CCNG2: variants seen among roughly 807,000 people sequenced by gnomAD.
CCNG2 encodes the protein cyclin-G2.
A neutral mutation model predicts 36.5 loss-of-function variants in CCNG2; 20 were observed. That is an observed-to-expected ratio of 0.55 (90% CI 0.39 to 0.80). The LOEUF (loss-of-function observed/expected upper bound fraction) is 0.80, where lower values mean the gene tolerates loss of function less well. Among genes scored for constraint, CCNG2 ranks in the 30% least tolerant of loss-of-function variants. The pLI is 0.00. For synonymous variants in CCNG2, 155 were observed against 140.1 expected, an observed-to-expected ratio of 1.11 and a Z score of -0.75; for missense variants, 358 against 390.8, an observed-to-expected ratio of 0.92 and a Z score of 0.71.
Position 77,160,849 on chromosome 4 carries a change from T to G in CCNG2, c.405T>G (p.Ala135=), listed in dbSNP as rs1731413711. ...GGATTAGTCAGTGTAAATGTACTGC[T>G]TCTGACATAAAACGGATGGAAAAAA... is the stretch of plus-strand genomic sequence containing the variant. ...VIRISQCKCT[A]SDIKRMEKII... Residue 135 remains alanine (A), a synonymous_variant, in exon 4 of 8, where the codon GCT becomes GCG. Transcript: ENST00000316355. 2 of 1,614,040 alleles carry G rather than the reference T, an allele frequency of 1.2e-6. No individual in the cohort carries two copies. The highest frequency in any genetic ancestry group is 1.3e-5 in the African/African-American group (1 of 75,038).
chr4:77,158,512 T>C (rs1347273701), intron 1 of CCNG2, 21 bp from the exon 2 acceptor site: 1 of 1,613,952 alleles, frequency 6.2e-7, no homozygotes, highest in South Asian at 1.1e-5. Flanking sequence ...TTACATTCTC[T>C]GTGTGGTGTC....
chr4:77,159,254 A>T, intron 2 of CCNG2, 113 bp from the exon 3 acceptor site: 1 of 930,612 alleles, frequency 1.1e-6, no homozygotes. Context: ...AGATTGAGGG[A>T]AAAAAATTAA....
intron 7 of CCNG2, chr4:77,165,037 T>C (rs1731592874): frequency 6.6e-6 from 1 of 152,350 alleles, no homozygotes; most frequent in South Asian, 2.1e-4. Context: ...CCACCACTGA[T>C]GGGGAAGACT....
At position 77,165,929 on chromosome 4, in the gene CCNG2, C is replaced by CT. The variant is rs1731623201; in HGVS notation, c.*6dup. The CT allele has an allele frequency of 1.3e-6, 2 of 1,590,604 alleles. No homozygotes were observed. Among genetic ancestry groups the CT allele is most frequent in the Admixed American group, 1.9e-5 (1 of 53,056 alleles). On this transcript the variant is annotated 3_prime_UTR_variant, in exon 8 of 8. Transcript: ENST00000316355. ...ACACTGTGCTTTCCATCTTAGAAAT[C>CT]TGATTGTTCTGTCAGAATTTATATT... is the stretch of plus-strand genomic sequence containing the variant.
At chr4:77,162,138 A>G (rs1731455307) in intron 6 of CCNG2, among the ~76,000 whole-genome samples, 1 of 152,256 alleles carries the variant, frequency 6.6e-6, no homozygotes, top group African/African-American at 2.4e-5. Context: ...TAGCAGCAGC[A>G]TCAATTAACA....
chr4:77,160,356 AAAC>A (rs1170958155), intron 3 of CCNG2, among the ~76,000 whole-genome samples: 3 of 118,066 alleles, frequency 2.5e-5, no homozygotes, highest in Non-Finnish European at 5.0e-5. Context: ...AAGGTTCAAA[AAAC>A]TTTTTTTTTT....
In CCNG2 at chr4:77,157,309, T is replaced by G. The variant is rs1577901909; in HGVS notation, c.-198T>G. On this transcript the variant is annotated 5_prime_UTR_variant, in exon 1 of 8. Transcript: ENST00000316355. ...GCCGGCGTTGCGCCGCGGCGGAGGG[T>G]GGGCGCGCGGGGAGCGGGATGGAGC... is the stretch of plus-strand genomic sequence containing the variant. The G allele has an allele frequency of 2.0e-5, 3 of 149,560 alleles. No homozygotes were observed. The highest frequency in any genetic ancestry group is 2.1e-4 in the South Asian group (1 of 4,736). The allele number at this position is 149,560 out of a possible 1,614,324, so 9.3% of individuals were successfully genotyped here.
At chr4:77,159,346 G>C (rs200400413) in intron 2 of CCNG2, 21 bp from the exon 3 acceptor site, 10 of 1,593,884 alleles carry the variant, frequency 6.3e-6, no homozygotes, top group South Asian at 1.1e-5. Context: ...TGTAAACCTT[G>C]GTTCTTGGTT....
chr4:77,164,381 C>G lies in CCNG2; in HGVS notation c.813C>G (p.Ile271Met). 1 of 1,613,960 alleles carries G rather than the reference C, an allele frequency of 6.2e-7. No individual in the cohort carries two copies. The highest frequency in any genetic ancestry group is 8.5e-7 in the Non-Finnish European group (1 of 1,179,934). Residue 271 changes from isoleucine to methionine, a missense_variant, in exon 7 of 8, where the codon ATC becomes ATG. Transcript: ENST00000316355. ...CAGATCTTAAGAAGTTGGTTTGGAT[C>G]GTTTCAAGGCGCACAGCCCAGAACC... ...CKPDLKKLVW[I>M]VSRRTAQNLH...
rs760649815 is a variant in CCNG2, at chr4:77,161,500, A to G, written c.548A>G (p.Asp183Gly). The G allele has an allele frequency of 6.2e-7, 1 of 1,606,200 alleles. No homozygotes were observed. Among genetic ancestry groups the G allele is most frequent in the Non-Finnish European group, 8.5e-7 (1 of 1,177,358 alleles). Residue 183 changes from aspartate to glycine, a missense_variant, in exon 5 of 8, where the codon GAT (aspartate) becomes GGT (glycine). Physicochemically the swap from Asp to Gly is moderately conservative, Grantham distance 94. Coordinates refer to ENST00000316355, the MANE Select transcript of CCNG2 (RefSeq NM_004354.3). The part of the protein sequence containing the change: ...TSERKEILSL[D>G]KLEAQLKACN... ...TATAGGAAAGAAATACTGAGCCTTG[A>G]TAAACTAGAAGCTCAGCTGAAAGCT...
At chr4:77,157,872 C>T (rs1731308237) in intron 1 of CCNG2, among the ~76,000 whole-genome samples, 1 of 151,964 alleles carries the variant, frequency 6.6e-6, no homozygotes, top group Admixed American at 6.5e-5. Context: ...TCCCTACGGG[C>T]GCGGGGCGGG....
chr4:77,159,979 C>G (rs1182864202), intron 3 of CCNG2, among the ~76,000 whole-genome samples: 1 of 152,152 alleles, frequency 6.6e-6, no homozygotes, highest in Non-Finnish European at 1.5e-5. Context: ...TGTGGGGAAT[C>G]TTCTGCCAGT....
rs1200341821 is a variant in CCNG2 at position 77,167,552 on chromosome 4, C to G, written c.*1628C>G. On this transcript the variant is annotated 3_prime_UTR_variant, in exon 8 of 8. Transcript: ENST00000316355. Reference sequence around the variant, plus strand: ...TTCAGGAGACAAAGCAAGTTTTAATCAGTTGTTTGGTTAATAAGTATGGGG... The same window carrying G: ...TTCAGGAGACAAAGCAAGTTTTAATGAGTTGTTTGGTTAATAAGTATGGGG... 6.6e-6 allele frequency: 1 copy of G among 152,170 alleles called. No individual in the cohort carries two copies. Among genetic ancestry groups the G allele is most frequent in the East Asian group, 1.9e-4 (1 of 5,184 alleles). 9.4% of individuals were successfully genotyped at this position (152,170 alleles called of 1,614,324 possible). A position where few individuals can be genotyped will look rare whatever the true frequency, so the allele number is the denominator to read the frequency against.
At chr4:77,159,189 G>C (rs921383881) in intron 2 of CCNG2, among the ~76,000 whole-genome samples, 178 bp from the exon 3 acceptor site, 2 of 152,150 alleles carry the variant, frequency 1.3e-5, no homozygotes, top group African/African-American at 4.8e-5. Flanking sequence ...TCTTACAGAT[G>C]ATAAAGTGTA....
rs757360139 is a variant in CCNG2 at position 77,166,484 on chromosome 4, T to C, written c.*560T>C. On this transcript the variant is annotated 3_prime_UTR_variant, in exon 8 of 8. Transcript: ENST00000316355. ...GCAGATCTTATAAATTTGGGAATTA[T>C]AATATTGACATTTCTGTGATTTTTA... is the stretch of plus-strand genomic sequence containing the variant. 1 of 152,202 alleles carries C rather than the reference T, an allele frequency of 6.6e-6. No individual in the cohort carries two copies. The highest frequency in any genetic ancestry group is 1.5e-5 in the Non-Finnish European group (1 of 68,030). 9.4% of individuals were successfully genotyped at this position (152,202 alleles called of 1,614,324 possible).
intron 3 of CCNG2, among the ~76,000 whole-genome samples, 185 bp from the exon 4 acceptor site, chr4:77,160,536 G>A (rs931725099): frequency 2.0e-5 from 3 of 147,936 alleles, no homozygotes; most frequent in Admixed American, 6.7e-5. Context: ...TTTTTTGGGG[G>A]GGGGGGGAGG....
Position 77,167,772 on chromosome 4 carries a change from C to T in CCNG2, c.*1848C>T, listed in dbSNP as rs567582156. 6.8e-6 allele frequency: 1 copy of T among 146,166 alleles called. No homozygotes were observed. Among genetic ancestry groups the T allele is most frequent in the South Asian group, 2.1e-4 (1 of 4,778 alleles). 9.1% of individuals were successfully genotyped at this position (146,166 alleles called of 1,614,324 possible). A position where few individuals can be genotyped will look rare whatever the true frequency, so the allele number is the denominator to read the frequency against. ...TGAATATGGTTTTCATGTAACACCTCTTCTCTGGAGATAGGGGTATGTTTT... is the reference window on the plus strand; with the variant it reads ...TGAATATGGTTTTCATGTAACACCTTTTCTCTGGAGATAGGGGTATGTTTT... On this transcript the variant is annotated 3_prime_UTR_variant, in exon 8 of 8. Transcript: ENST00000316355.
chr4:77,163,910 T>A (rs1052275622), intron 6 of CCNG2, among the ~76,000 whole-genome samples: 3 of 152,242 alleles, frequency 2.0e-5, no homozygotes, highest in Non-Finnish European at 4.4e-5. Context: ...GACTAAGGAC[T>A]ATACTTGATA....
Position 77,161,828 on chromosome 4 carries a change from T to C in CCNG2, c.705+81T>C, listed in dbSNP as rs4150073. 63 of 804,890 alleles carry C rather than the reference T, an allele frequency of 7.8e-5. 2 individuals are homozygous for C. In the South Asian group the frequency reaches 1.0e-3, roughly 13 times the overall value. 49.9% of individuals were successfully genotyped at this position (804,890 alleles called of 1,614,324 possible). A position where few individuals can be genotyped will look rare whatever the true frequency, so the allele number is the denominator to read the frequency against. ...CTGTGGTGACTTAAACATTAAGTAA[T>C]ACTTTATGGGACTCTTAACTTTTAC... is the stretch of plus-strand genomic sequence containing the variant. On this transcript the variant is annotated intron_variant, in intron 6 of 7. Coordinates refer to ENST00000316355, the MANE Select transcript of CCNG2 (RefSeq NM_004354.3).
Sources: allele counts gnomAD v4.1 joint callset (sites outside exome capture counted in the v4.1 genomes callset), GRCh38; gene constraint gnomAD v4.1.1; transcripts MANE v1.5; gene names NCBI Gene and HGNC (gene_info 2026-07-23, HGNC 2026-07-21).